Variants in ARHGEF7 observed in about 807,000 individuals in gnomAD.
ARHGEF7 encodes the protein Rho guanine nucleotide exchange factor 7.
A neutral mutation model predicts 109.8 loss-of-function variants in ARHGEF7; 33 were observed. The observed-to-expected ratio is 0.30, with a 90% CI of 0.23 to 0.40. The LOEUF is 0.40. Ranked by LOEUF, ARHGEF7 falls within the 10% of genes least tolerant of loss-of-function variation. ARHGEF7 has a pLI of 1.00. For missense variants in ARHGEF7, 938 were observed against 1,098.5 expected (o/e 0.85, Z 2.07); for synonymous variants, 458 against 424.6 (o/e 1.08, Z -0.97).
At chr13:111,297,285 C>G (rs566796342) in intron 19 of ARHGEF7, among the ~76,000 whole-genome samples, 2 of 152,304 alleles carry the variant, frequency 1.3e-5, no homozygotes, top group South Asian at 2.1e-4. Context: ...TACAAGCTTC[C>G]TAGTTCGCCA....
intron 8 of ARHGEF7, among the ~76,000 whole-genome samples, chr13:111,253,079 T>C (rs1042445041): frequency 1.3e-5 from 2 of 152,228 alleles, no homozygotes; most frequent in Non-Finnish European, 2.9e-5. Context: ...CTGCCTCACT[T>C]TGGGACAAGA....
chr13:111,184,006 T>C (rs1270610870), intron 2 of ARHGEF7, among the ~76,000 whole-genome samples: 1 of 152,102 alleles, frequency 6.6e-6, no homozygotes, highest in South Asian at 2.1e-4. Context: ...ATGGTGTGAC[T>C]CTGTCCCCAC....
chr13:111,249,618 G>C (rs928380062), intron 8 of ARHGEF7, among the ~76,000 whole-genome samples: 18 of 152,120 alleles, frequency 1.2e-4, no homozygotes, highest in Admixed American at 1.1e-3. Context: ...TTCTGCTCTT[G>C]TCCTTGTCTG....
chr13:111,296,835 C>T (rs1382595370), intron 19 of ARHGEF7, among the ~76,000 whole-genome samples: 4 of 152,172 alleles, frequency 2.6e-5, no homozygotes, highest in African/African-American at 9.7e-5. Context: ...CAAGATTTCC[C>T]GAAACGATGT....
chr13:111,153,920 C>G lies in ARHGEF7; in HGVS notation c.181C>G (p.Arg61Gly), dbSNP rs775571041. ...GTIEKVYPEP[R>G]SESECLSNIR... ...TGTATTGCAGGTCTACCCCGAGCCC[C>G]GGAGCGAGAGCGAGTGCCTGAGCAA... Residue 61 changes from arginine to glycine, a missense_variant, in exon 2 of 22, where the codon CGG becomes GGG. Physicochemically the swap from Arg to Gly is moderately radical, Grantham distance 125. Coordinates refer to ENST00000646102, the MANE Select transcript of ARHGEF7 (RefSeq NM_001354046.2). The G allele has an allele frequency of 6.2e-7, 1 of 1,605,196 alleles. No homozygotes were observed. The highest frequency in any genetic ancestry group is 1.1e-5 in the South Asian group (1 of 90,444).
At chr13:111,144,811 A>G (rs1473191740) in intron 1 of ARHGEF7, 1 of 152,082 alleles carries the variant, frequency 6.6e-6, no homozygotes, top group Non-Finnish European at 1.5e-5. Context: ...AGAATAATAG[A>G]TTGGGAGTGG....
chr13:111,274,077 G>C, intron 10 of ARHGEF7, 125 bp downstream of exon 10: 1 of 1,201,550 alleles, frequency 8.3e-7, no homozygotes, highest in East Asian at 2.6e-5. Flanking sequence ...AGTTTACAAA[G>C]AGTTTTGTTA....
intron 2 of ARHGEF7, among the ~76,000 whole-genome samples, chr13:111,175,473 A>C (rs1254512633): frequency 6.6e-6 from 1 of 152,118 alleles, no homozygotes; most frequent in Non-Finnish European, 1.5e-5. Flanking sequence ...GGGGAAGGGC[A>C]CCCAGGCAGA....
At chr13:111,256,069 A>G (rs919454935) in intron 8 of ARHGEF7, among the ~76,000 whole-genome samples, 1 of 152,190 alleles carries the variant, frequency 6.6e-6, no homozygotes, top group Non-Finnish European at 1.5e-5. Flanking sequence ...TAGTTAAGCC[A>G]TCATTGCCTG....
intron 19 of ARHGEF7, chr13:111,293,302 TC>T (rs1174923991): frequency 1.0e-6 from 1 of 985,228 alleles, no homozygotes; most frequent in Admixed American, 6.1e-5. Flanking sequence ...CATGGACACA[TC>T]ATTATTTTCA....
chr13:111,205,494 C>T, intron 3 of ARHGEF7, 121 bp downstream of exon 3: 1 of 620,664 alleles, frequency 1.6e-6, no homozygotes. Context: ...GCTTTTGTTG[C>T]ATTACGTTTT....
At chr13:111,191,067 G>C (rs1317370241) in intron 2 of ARHGEF7, among the ~76,000 whole-genome samples, 1 of 152,136 alleles carries the variant, frequency 6.6e-6, no homozygotes, top group African/African-American at 2.4e-5. Context: ...AGTGGTGGGG[G>C]CGCTGCTGCA....
chr13:111,197,141 G>A (rs1348907458), intron 2 of ARHGEF7, among the ~76,000 whole-genome samples: 2 of 152,102 alleles, frequency 1.3e-5, no homozygotes, highest in East Asian at 3.9e-4. Flanking sequence ...CCTGCTGATC[G>A]GAATAGTTGC....
At chr13:111,298,839 C>T (rs2093486813) in intron 19 of ARHGEF7, among the ~76,000 whole-genome samples, 1 of 152,152 alleles carries the variant, frequency 6.6e-6, no homozygotes, top group South Asian at 2.1e-4. Context: ...GAGGGAGGGT[C>T]GCCTTTGAAG....
intron 1 of ARHGEF7, among the ~76,000 whole-genome samples, chr13:111,133,663 T>C (rs1418020564): frequency 6.7e-6 from 1 of 149,580 alleles, no homozygotes. Flanking sequence ...TTTGGGTGTA[T>C]GTGAGACTGC....
chr13:111,293,436 T>TAA (rs11319592), intron 19 of ARHGEF7: 73 of 911,154 alleles, frequency 8.0e-5, no homozygotes, highest in South Asian at 1.5e-4. Context: ...CTCACTTATT[T>TAA]AAAAAAAAAA....
chr13:111,161,781 T>TA (rs1219149548), intron 2 of ARHGEF7, among the ~76,000 whole-genome samples: 8 of 152,276 alleles, frequency 5.3e-5, no homozygotes, highest in Non-Finnish European at 1.0e-4. Flanking sequence ...AATATATTTT[T>TA]AAAATATCCA....
intron 8 of ARHGEF7, chr13:111,265,768 G>A (rs931346340): frequency 2.2e-6 from 1 of 454,542 alleles, no homozygotes; most frequent in Admixed American, 2.3e-5. Flanking sequence ...AGGATCAGCA[G>A]CCTTGTAACA....
intron 8 of ARHGEF7, among the ~76,000 whole-genome samples, chr13:111,248,750 G>A (rs1045319400): frequency 1.3e-5 from 2 of 152,192 alleles, no homozygotes; most frequent in South Asian, 4.1e-4. Flanking sequence ...TTCACTACAA[G>A]AATATTTTTC....
Sources: allele counts gnomAD v4.1 joint callset (sites outside exome capture counted in the v4.1 genomes callset), GRCh38; gene constraint gnomAD v4.1.1; transcripts MANE v1.5; gene names NCBI Gene and HGNC (gene_info 2026-07-23, HGNC 2026-07-21).